Variants in CCSER1 observed in about 807,000 individuals in gnomAD.
CCSER1 encodes the protein serine-rich coiled-coil domain-containing protein 1.
Under a neutral mutation model 82.0 loss-of-function variants are expected in CCSER1, and 41 were observed. That is an observed-to-expected ratio of 0.50 (90% CI 0.39 to 0.65). CCSER1 has a LOEUF of 0.65. Ranked by LOEUF, CCSER1 falls within the 30% of genes least tolerant of loss-of-function variation. The pLI is 0.00. For missense variants in CCSER1, 1,119 were observed against 1,064.2 expected, an observed-to-expected ratio of 1.05 and a Z score of -0.72; for synonymous variants, 414 against 383.9, an observed-to-expected ratio of 1.08 and a Z score of -0.92.
chr4:90,315,401 A>G (rs1430671996), intron 3 of CCSER1, among the ~76,000 whole-genome samples: 1 of 152,228 alleles, frequency 6.6e-6, no homozygotes, highest in Non-Finnish European at 1.5e-5. Context: ...TGAATTTCCT[A>G]AAGAGAACTA....
chr4:90,280,434 C>T (rs2153460093), intron 1 of CCSER1, among the ~76,000 whole-genome samples: 1 of 151,698 alleles, frequency 6.6e-6, no homozygotes, highest in South Asian at 2.1e-4. Flanking sequence ...ATCACAAGGA[C>T]TCACTGAACC....
chr4:90,403,504 AAAAAAAAAAAAAAAAAG>A (rs1753233595), intron 4 of CCSER1, among the ~76,000 whole-genome samples: 1 of 149,714 alleles, frequency 6.7e-6, no homozygotes, highest in African/African-American at 2.4e-5. Flanking sequence ...GTCTCAAAAA[AAAAAAAAAAAAAAAAAG>A]AAAAAAGACC....
intron 9 of CCSER1, among the ~76,000 whole-genome samples, chr4:90,947,177 A>T (rs1011814300): frequency 6.6e-6 from 1 of 152,210 alleles, no homozygotes; most frequent in African/African-American, 2.4e-5. Context: ...GCAAATCAAC[A>T]TATGCCTACA....
intron 9 of CCSER1, among the ~76,000 whole-genome samples, chr4:90,997,686 A>G (rs112962755): frequency 5.3e-4 from 80 of 152,310 alleles, no homozygotes; most frequent in African/African-American, 1.9e-3. Flanking sequence ...TGGAGAATGT[A>G]CATATAAGTT....
At chr4:90,927,568 T>G (rs941818093) in intron 9 of CCSER1, among the ~76,000 whole-genome samples, 1 of 152,026 alleles carries the variant, frequency 6.6e-6, no homozygotes, top group African/African-American at 2.4e-5. Context: ...CCACTGTTTA[T>G]TTTTTCAAAT....
intron 5 of CCSER1, among the ~76,000 whole-genome samples, chr4:90,622,886 G>C (rs980339361): frequency 6.6e-6 from 1 of 152,116 alleles, no homozygotes. Flanking sequence ...CCCACCAACA[G>C]TGTAAAAGTG....
chr4:91,387,985 T>G lies in CCSER1; in HGVS notation c.2218-210587T>G, dbSNP rs115870387. On this transcript the variant is annotated intron_variant, in intron 10 of 10. Transcript: ENST00000509176. ...GACAGCAATTCTAATAAAGTAACAC[T>G]TTTTCATTTTATTGTAACAATTAGT... is the stretch of plus-strand genomic sequence containing the variant. 9.7e-3 allele frequency among the ~76,000 whole-genome samples: 1,479 copies of G among 152,224 alleles called. 17 individuals carry two copies. The highest frequency in any genetic ancestry group is 0.033 in the African/African-American group (1,373 of 41,556).
intron 4 of CCSER1, among the ~76,000 whole-genome samples, chr4:90,443,912 GAC>G (rs1007761786): frequency 6.6e-6 from 1 of 151,972 alleles, no homozygotes; most frequent in African/African-American, 2.4e-5. Context: ...CAGTAATACA[GAC>G]ACATATAAAT....
At chr4:90,259,536 C>T (rs150585243) in intron 1 of CCSER1, among the ~76,000 whole-genome samples, 157 of 152,144 alleles carry the variant, frequency 1.0e-3, no homozygotes, top group African/African-American at 3.5e-3. Flanking sequence ...AAGTGGGCAT[C>T]CTTGTCTTGC....
chr4:90,780,672 C>T (rs1753645510), intron 7 of CCSER1: 2 of 1,344,956 alleles, frequency 1.5e-6, no homozygotes, highest in African/African-American at 1.5e-5. Flanking sequence ...TAATAATGAA[C>T]TAAGGAGGCT....
intron 7 of CCSER1, among the ~76,000 whole-genome samples, chr4:90,748,561 A>G (rs998951960): frequency 1.3e-5 from 2 of 149,788 alleles, no homozygotes; most frequent in Admixed American, 1.3e-4. Flanking sequence ...CAGTAATGGG[A>G]TGGCTGAGTC....
intron 10 of CCSER1, among the ~76,000 whole-genome samples, chr4:91,351,664 C>A (rs1201352504): frequency 6.6e-6 from 1 of 151,818 alleles, no homozygotes; most frequent in Admixed American, 6.6e-5. Context: ...TAGATATGTT[C>A]TTATTTAAAA....
chr4:90,476,059 T>G (rs78622468), intron 5 of CCSER1, among the ~76,000 whole-genome samples: 1 of 151,924 alleles, frequency 6.6e-6, no homozygotes, highest in South Asian at 2.1e-4. Context: ...TGTGTGTGTG[T>G]GGGTGTGTGT....
At chr4:91,037,013 T>C (rs1391032164) in intron 9 of CCSER1, among the ~76,000 whole-genome samples, 6 of 151,640 alleles carry the variant, frequency 4.0e-5, no homozygotes, top group Admixed American at 3.9e-4. Flanking sequence ...GGAAGGGGAG[T>C]TTGCAGTGAC....
chr4:91,144,541 G>A (rs1313300203), intron 10 of CCSER1, among the ~76,000 whole-genome samples: 4 of 151,376 alleles, frequency 2.6e-5, no homozygotes, highest in Admixed American at 1.3e-4. Flanking sequence ...TAGTTTCCAG[G>A]TTGATGTTCT....
In CCSER1 at chr4:91,394,743, T is replaced by C. The variant is rs1751861118; in HGVS notation, c.2218-203829T>C. On this transcript the variant is annotated intron_variant, in intron 10 of 10. Coordinates refer to ENST00000509176, the MANE Select transcript of CCSER1 (RefSeq NM_001145065.2). ...AACTAACGAAGTATAAAACAGCAGT[T>C]AAAGTATTCACTTAGTAAAGCATTT... 2.0e-5 allele frequency among the ~76,000 whole-genome samples: 3 copies of C among 152,138 alleles called. No individual in the cohort carries two copies. The South Asian group carries it at 6.2e-4, about 31-fold the overall frequency.
chr4:90,936,186 A>C (rs1730908386), intron 9 of CCSER1, among the ~76,000 whole-genome samples: 1 of 152,116 alleles, frequency 6.6e-6, no homozygotes, highest in Non-Finnish European at 1.5e-5. Flanking sequence ...TGTTTCTAAA[A>C]TGTAATTATT....
chr4:91,447,763 C>G (rs1296650607), intron 10 of CCSER1, among the ~76,000 whole-genome samples: 1 of 151,904 alleles, frequency 6.6e-6, no homozygotes, highest in Non-Finnish European at 1.5e-5. Flanking sequence ...TGCACTGGCC[C>G]AAGACATTTA....
chr4:91,339,991 C>T (rs1747603427), intron 10 of CCSER1, among the ~76,000 whole-genome samples: 1 of 152,008 alleles, frequency 6.6e-6, no homozygotes, highest in South Asian at 2.1e-4. Context: ...GTGGCACGCA[C>T]CTGTAATCCC....
Sources: allele counts gnomAD v4.1 joint callset (sites outside exome capture counted in the v4.1 genomes callset), GRCh38; gene constraint gnomAD v4.1.1; transcripts MANE v1.5; gene names NCBI Gene and HGNC (gene_info 2026-07-23, HGNC 2026-07-21).